GALNT13: variants seen among roughly 807,000 people sequenced by gnomAD.
GALNT13 encodes the protein UDP-GalNAc:polypeptide N-acetylgalactosaminyltransferase 13.
A neutral mutation model predicts 64.2 loss-of-function variants in GALNT13; 28 were observed. That is an observed-to-expected ratio of 0.44 (90% CI 0.32 to 0.60). The LOEUF (loss-of-function observed/expected upper bound fraction) is 0.60. Among genes scored for constraint, GALNT13 ranks in the 20% least tolerant of loss-of-function variants. The probability of loss-of-function intolerance (pLI) is 0.05; values close to 1 mark genes in which losing one functional copy is unlikely to be tolerated. For synonymous variants in GALNT13, 214 were observed against 224.6 expected, an observed-to-expected ratio of 0.95 and a Z score of 0.42; for missense variants, 577 against 669.8, an observed-to-expected ratio of 0.86 and a Z score of 1.53.
intron 4 of GALNT13, among the ~76,000 whole-genome samples, chr2:154,159,024 C>T (rs879765022): frequency 2.4e-4 from 36 of 151,916 alleles, no homozygotes; most frequent in Non-Finnish European, 4.4e-4. Context: ...GTTTTACTTA[C>T]TTCTTTTCTT....
chr2:154,446,498 T>C, intron 12 of GALNT13: 1 of 1,420,362 alleles, frequency 7.0e-7, no homozygotes, highest in Non-Finnish European at 9.4e-7. Flanking sequence ...GCATGTTGCC[T>C]AGGATGATTG....
chr2:153,421,102 C>G, the GALNT13 span: 3 of 259,802 alleles, frequency 1.2e-5, no homozygotes, highest in African/African-American at 4.5e-5. Context: ...TAGTGAGAGT[C>G]ACATTTCACC....
chr2:154,088,264 A>G (rs373298319), intron 3 of GALNT13, among the ~76,000 whole-genome samples: 1 of 152,148 alleles, frequency 6.6e-6, no homozygotes, highest in African/African-American at 2.4e-5. Context: ...ATTAATAGAT[A>G]TGAAGAAAAA....
chr2:154,171,615 T>C (rs1685353325), intron 4 of GALNT13, among the ~76,000 whole-genome samples: 2 of 152,070 alleles, frequency 1.3e-5, no homozygotes, highest in Admixed American at 1.3e-4. Flanking sequence ...AGTGAATGAT[T>C]TGTCTGCTTT....
At chr2:153,070,159 C>T in the GALNT13 span, among the ~76,000 whole-genome samples, 7 of 152,040 alleles carry the variant, frequency 4.6e-5, 1 homozygote, top group Non-Finnish European at 1.5e-5. Flanking sequence ...TATATCAAGC[C>T]ATGAAAAGAC....
chr2:154,275,998 G>A (rs1406975699), intron 8 of GALNT13, among the ~76,000 whole-genome samples: 1 of 152,078 alleles, frequency 6.6e-6, no homozygotes, highest in Non-Finnish European at 1.5e-5. Context: ...GGCTTGCATT[G>A]GGCCTGTAGC....
chr2:154,375,309 G>C (rs1448034890), intron 9 of GALNT13, among the ~76,000 whole-genome samples: 2 of 151,556 alleles, frequency 1.3e-5, no homozygotes, highest in African/African-American at 2.4e-5. Flanking sequence ...CTTAAGACTA[G>C]TAAGAAGACA....
chr2:153,627,936 T>C, the GALNT13 span, among the ~76,000 whole-genome samples: 1 of 152,168 alleles, frequency 6.6e-6, no homozygotes, highest in East Asian at 1.9e-4. Flanking sequence ...GTAAATTACC[T>C]TGGGCAGTAT....
chr2:153,453,462 T>C, the GALNT13 span, among the ~76,000 whole-genome samples: 3 of 152,002 alleles, frequency 2.0e-5, no homozygotes, highest in Non-Finnish European at 4.4e-5. Flanking sequence ...GCAAAAGATA[T>C]GAACAGACAT....
the GALNT13 span, among the ~76,000 whole-genome samples, chr2:153,811,876 C>G: frequency 2.0e-5 from 3 of 152,332 alleles, no homozygotes; most frequent in Non-Finnish European, 2.9e-5. Context: ...ACATTTGCCT[C>G]AGAGCTTATA....
At chr2:154,024,565 G>A (rs984081802) in intron 3 of GALNT13, among the ~76,000 whole-genome samples, 12 of 152,082 alleles carry the variant, frequency 7.9e-5, no homozygotes, top group Non-Finnish European at 1.6e-4. Context: ...GGACTTCTCT[G>A]CGTTGGTTAT....
chr2:154,136,481 T>A (rs1354468448), intron 3 of GALNT13, among the ~76,000 whole-genome samples: 1 of 152,122 alleles, frequency 6.6e-6, no homozygotes, highest in Admixed American at 6.6e-5. Context: ...GGGGTAATTC[T>A]GCAAATAAGA....
chr2:153,090,375 A>T, the GALNT13 span, among the ~76,000 whole-genome samples: 1 of 152,190 alleles, frequency 6.6e-6, no homozygotes, highest in Non-Finnish European at 1.5e-5. Flanking sequence ...AGATTCTGTG[A>T]GAGTCCTTGG....
At chr2:154,184,192 G>A (rs1686123409) in intron 4 of GALNT13, among the ~76,000 whole-genome samples, 1 of 151,772 alleles carries the variant, frequency 6.6e-6, no homozygotes, top group South Asian at 2.1e-4. Context: ...ATTGTGACAG[G>A]TTTTGACCTA....
the GALNT13 span, among the ~76,000 whole-genome samples, chr2:153,083,609 T>C: frequency 1.4e-3 from 219 of 152,296 alleles, no homozygotes; most frequent in African/African-American, 4.9e-3. Flanking sequence ...TGCTGCTTTG[T>C]TTGAGTTTCC....
the GALNT13 span, among the ~76,000 whole-genome samples, chr2:153,589,601 T>G: frequency 6.6e-6 from 1 of 152,166 alleles, no homozygotes; most frequent in Non-Finnish European, 1.5e-5. Flanking sequence ...AAGAAAGAGT[T>G]TTAATGGACT....
intron 3 of GALNT13, among the ~76,000 whole-genome samples, chr2:154,096,169 G>A (rs746740743): frequency 2.6e-5 from 4 of 151,820 alleles, no homozygotes; most frequent in East Asian, 1.9e-4. Flanking sequence ...CCAGTGGAAC[G>A]TACCTAACAT....
chr2:154,446,547 G>A (rs918144948), intron 12 of GALNT13: 40 of 1,516,056 alleles, frequency 2.6e-5, no homozygotes, highest in East Asian at 9.9e-5. Flanking sequence ...GTCATTATTC[G>A]TTATTTTCTT....
intron 11 of GALNT13, among the ~76,000 whole-genome samples, chr2:154,417,521 A>ATTTTTTTTTTTTTTTTTTTTTT (rs1238225224): frequency 7.2e-6 from 1 of 139,052 alleles, no homozygotes; most frequent in African/African-American, 2.8e-5. Context: ...TTATTTATTT[A>ATTTTTTTTTTTTTTTTTTTTTT]TTTTTTTGAG....
Sources: allele counts gnomAD v4.1 joint callset (sites outside exome capture counted in the v4.1 genomes callset), GRCh38; gene constraint gnomAD v4.1.1; transcripts MANE v1.5; gene names NCBI Gene and HGNC (gene_info 2026-07-23, HGNC 2026-07-21).